The following ZNF76 variants were observed in gnomAD, a reference collection of about 807,000 sequenced individuals.
ZNF76 encodes zinc finger protein 523.
Under a neutral mutation model 66.9 loss-of-function variants are expected in ZNF76, and 66 were observed. The ratio of observed to expected loss-of-function variants is 0.99; its 90% CI spans 0.81 to 1.21. The LOEUF (loss-of-function observed/expected upper bound fraction) is 1.21. Ranked by LOEUF, ZNF76 falls within the 50% of genes most tolerant of loss-of-function variation. The probability of loss-of-function intolerance (pLI) is 0.00; values close to 1 mark genes in which losing one functional copy is unlikely to be tolerated. For missense variants in ZNF76, 729 were observed against 760.3 expected, an observed-to-expected ratio of 0.96 and a Z score of 0.48; for synonymous variants, 275 against 296.1, an observed-to-expected ratio of 0.93 and a Z score of 0.73.
rs1189334374 is a variant in ZNF76, at chr6:35,292,143, T to C, written c.931+406T>C. ...TGTATCCTCACCCTCCCCAGTGTTA[T>C]GCCCCTCATCCAGCTTTCTGTGTTG... On this transcript the variant is annotated intron_variant, in intron 9 of 13. Coordinates refer to ENST00000373953, the MANE Select transcript of ZNF76 (RefSeq NM_003427.5). The surrounding 1 kb of genome is among the most constrained non-coding windows in gnomAD (Gnocchi z 4.7). The C allele has an allele frequency of 1.2e-5, 5 of 405,006 alleles. No individual in the cohort carries two copies. The highest frequency in any genetic ancestry group is 7.4e-4 in the Middle Eastern group (1 of 1,352). 25.1% of individuals were successfully genotyped at this position (405,006 alleles called of 1,614,324 possible). A position where few individuals can be genotyped will look rare whatever the true frequency, so the allele number is the denominator to read the frequency against.
At chr6:35,284,173 C>A (rs966029925) in intron 2 of ZNF76, among the ~76,000 whole-genome samples, 9 of 151,920 alleles carry the variant, frequency 5.9e-5, no homozygotes, top group Non-Finnish European at 8.8e-5. Flanking sequence ...CTCACTGCAA[C>A]CTTCGCCTCC....
Position 35,292,853 on chromosome 6 carries a change from G to A in ZNF76, c.1166-28G>A, listed in dbSNP as rs893975298. 2.5e-6 allele frequency: 4 copies of A among 1,613,840 alleles called. No homozygotes were observed. The highest frequency in any genetic ancestry group is 3.4e-6 in the Non-Finnish European group (4 of 1,179,884). On this transcript the variant is annotated intron_variant, in intron 10 of 13. Transcript: ENST00000373953. This position sits in a 1 kb window ranked among gnomAD's most constrained non-coding sequence, Gnocchi z 4.7. The stretch of plus-strand genomic sequence containing the variant: ...GGCCTCCCCATGGCATCTGGTAGCA[G>A]ATGTCAGCCTTGGCTCTCCTCTCCC...
rs1057409005 is a variant in ZNF76, at chr6:35,295,818, C to G, written c.*570C>G. Reference sequence around the variant, plus strand: ...GCCCCCACCACTCCTCAGCTGCCCCCCAACCTCTCTATGGCAGAGAGGCAG... The same window carrying G: ...GCCCCCACCACTCCTCAGCTGCCCCGCAACCTCTCTATGGCAGAGAGGCAG... On this transcript the variant is annotated 3_prime_UTR_variant, in exon 14 of 14. Coordinates refer to ENST00000373953, the MANE Select transcript of ZNF76 (RefSeq NM_003427.5). 2 of 179,310 alleles carry G rather than the reference C, an allele frequency of 1.1e-5. No individual in the cohort carries two copies. The highest frequency in any genetic ancestry group is 2.3e-5 in the African/African-American group (1 of 42,722). 11.1% of individuals were successfully genotyped at this position (179,310 alleles called of 1,614,324 possible).
In ZNF76 at chr6:35,293,751, G is replaced by A; in HGVS notation, c.1330G>A (p.Val444Ile). ...ALITQDGAQQ[V>I]SLSPEDLQAL... ...GCTCATCTTCCCCTCCTGTTGGCAG[G>A]TCAGCCTGTCCCCGGAAGACCTGCA... The change falls in exon 12 of 14, where the codon GTC becomes ATC. Residue 444 changes from valine to isoleucine, a missense_variant and splice_region_variant. Physicochemically the swap from Val to Ile is conservative, Grantham distance 29. Coordinates refer to ENST00000373953, the MANE Select transcript of ZNF76 (RefSeq NM_003427.5). 6.2e-7 allele frequency: 1 copy of A among 1,613,722 alleles called. No homozygotes were observed.
At chr6:35,294,264 AT>A (rs1418674829) in intron 12 of ZNF76, 191 bp from the exon 13 acceptor site, 126 of 593,116 alleles carry the variant, frequency 2.1e-4, no homozygotes, top group Middle Eastern at 9.0e-4. Flanking sequence ...CCTAAATTAA[AT>A]TGGGCTCTAA....
At chr6:35,269,332 T>G (rs1399450929) in intron 1 of ZNF76, among the ~76,000 whole-genome samples, 1 of 151,396 alleles carries the variant, frequency 6.6e-6, no homozygotes, top group Non-Finnish European at 1.5e-5. Flanking sequence ...GCTCCTCTCT[T>G]CCAGTTCAGA....
chr6:35,264,237 G>T (rs556678476), intron 1 of ZNF76, among the ~76,000 whole-genome samples: 1 of 152,352 alleles, frequency 6.6e-6, no homozygotes, highest in South Asian at 2.1e-4. Flanking sequence ...ATGATAATGG[G>T]CATGTCCCTT....
At chr6:35,262,925 C>G (rs1006853414) in intron 1 of ZNF76, among the ~76,000 whole-genome samples, 1 of 152,250 alleles carries the variant, frequency 6.6e-6, no homozygotes, top group East Asian at 1.9e-4. Flanking sequence ...TTCCACAGGG[C>G]CTCCTCTTCC....
chr6:35,286,947 G>T (rs981704544), intron 4 of ZNF76, among the ~76,000 whole-genome samples: 2 of 152,142 alleles, frequency 1.3e-5, no homozygotes, highest in African/African-American at 4.8e-5. Context: ...CAGAGATCAG[G>T]CTCAGGGAGG....
At chr6:35,286,743 C>T (rs1789624009) in intron 4 of ZNF76, 2 of 371,780 alleles carry the variant, frequency 5.4e-6, no homozygotes, top group South Asian at 3.1e-5. Context: ...TAGAATGAAG[C>T]TCCTAAGGTG....
At position 35,292,507 on chromosome 6, in the gene ZNF76, C is replaced by A; in HGVS notation, c.932-47C>A. The A allele has an allele frequency of 1.2e-6, 2 of 1,607,866 alleles. No individual in the cohort carries two copies. The highest frequency in any genetic ancestry group is 1.7e-6 in the Non-Finnish European group (2 of 1,176,096). Reference sequence around the variant, plus strand: ...CTCACCCCTGTCCCCTTAGTTTCCCCCTTGCCAGCCCCAGTTCCCACCCCC... The same window carrying A: ...CTCACCCCTGTCCCCTTAGTTTCCCACTTGCCAGCCCCAGTTCCCACCCCC... On this transcript the variant is annotated intron_variant, in intron 9 of 13. Coordinates refer to ENST00000373953, the MANE Select transcript of ZNF76 (RefSeq NM_003427.5). The surrounding 1 kb of genome is among the most constrained non-coding windows in gnomAD (Gnocchi z 4.7).
At position 35,261,918 on chromosome 6, in the gene ZNF76, T is replaced by C. The variant is rs534497576; in HGVS notation, c.-97+2077T>C. On this transcript the variant is annotated intron_variant, in intron 1 of 13. Coordinates refer to ENST00000373953, the MANE Select transcript of ZNF76 (RefSeq NM_003427.5). Reference sequence around the variant, plus strand: ...CATATCCCCTGAAGCCCCTGCACCTTGTAGGGGAGGGAAAATATCTTCTTA... The same window carrying C: ...CATATCCCCTGAAGCCCCTGCACCTCGTAGGGGAGGGAAAATATCTTCTTA... 7.9e-5 allele frequency among the ~76,000 whole-genome samples: 12 copies of C among 152,258 alleles called. No homozygotes were observed. The East Asian group carries it at 2.3e-3, about 29-fold the overall frequency.
Position 35,290,240 on chromosome 6 carries a change from TAGGGATCTCA to T in ZNF76, c.433-23_433-14del, listed in dbSNP as rs1562125751. ...CCTTCTTCACTGGGGAGAATACATATAGGGATCTCAAGACTTTTCCCCCAGGTTCTTCATG... is the reference window on the plus strand; with the variant it reads ...CCTTCTTCACTGGGGAGAATACATATAGACTTTTCCCCCAGGTTCTTCATG... On this transcript the variant is annotated splice_polypyrimidine_tract_variant and intron_variant, in intron 5 of 13. Coordinates refer to ENST00000373953, the MANE Select transcript of ZNF76 (RefSeq NM_003427.5). 1.9e-6 allele frequency: 3 copies of T among 1,613,726 alleles called. No homozygotes were observed. Among genetic ancestry groups the T allele is most frequent in the Non-Finnish European group, 2.5e-6 (3 of 1,179,790 alleles).
At position 35,293,003 on chromosome 6, in the gene ZNF76, G is replaced by GC. The variant is rs769993325; in HGVS notation, c.1294dup (p.Gln432ProfsTer44). On this transcript the variant is annotated frameshift_variant, in exon 11 of 14. Transcript: ENST00000373953. LOFTEE classifies it high-confidence loss of function. ...GGCGATGGTGACTGAAGAAGATGGG[G>GC]CCCCCCAGGTGGCTCTGATCACTCA... 6 of 1,614,116 alleles carry GC rather than the reference G, an allele frequency of 3.7e-6. No individual in the cohort carries two copies. The highest frequency in any genetic ancestry group is 4.2e-6 in the Non-Finnish European group (5 of 1,180,022).
chr6:35,290,597 C>T, intron 6 of ZNF76, 44 bp from the exon 7 acceptor site: 3 of 1,606,656 alleles, frequency 1.9e-6, no homozygotes, highest in Non-Finnish European at 2.6e-6. Flanking sequence ...GAGCCCTGGT[C>T]ATACCCTTGC....
chr6:35,291,792 G>A, intron 9 of ZNF76, 55 bp downstream of exon 9: 1 of 1,583,908 alleles, frequency 6.3e-7, no homozygotes, highest in Non-Finnish European at 8.6e-7. Flanking sequence ...CCCCTCTACT[G>A]TAGGCTTCCC....
chr6:35,290,462 A>G, intron 6 of ZNF76, 80 bp downstream of exon 6: 6 of 1,587,560 alleles, frequency 3.8e-6, no homozygotes, highest in Non-Finnish European at 5.2e-6. Flanking sequence ...TTTGATTGGA[A>G]TTGGTCCCTG....
intron 9 of ZNF76, 178 bp downstream of exon 9, chr6:35,291,915 C>T: frequency 1.4e-6 from 1 of 695,830 alleles, no homozygotes; most frequent in South Asian, 1.8e-5. Flanking sequence ...AGTAATTCCT[C>T]AATTTCCAGT....
rs773733513 is a variant in ZNF76, at chr6:35,287,783, G to C, written c.370G>C (p.Ala124Pro). Residue 124 changes from alanine (A) to proline (P), a missense_variant, in exon 5 of 14, where the codon GCA (alanine) becomes CCA (proline). Transcript: ENST00000373953. This position sits in a 1 kb window ranked among gnomAD's most constrained non-coding sequence, Gnocchi z 4.0. Reference protein sequence around the residue: ...QTEVGLEDLAAEDDEGFSADA... With the variant: ...QTEVGLEDLAPEDDEGFSADA... Reference sequence around the variant, plus strand: ...AGAGGTGGGCTTGGAGGACCTGGCAGCAGAGGATGATGAGGGCTTCAGTGC... The same window carrying C: ...AGAGGTGGGCTTGGAGGACCTGGCACCAGAGGATGATGAGGGCTTCAGTGC... The C allele has an allele frequency of 6.2e-7, 1 of 1,613,600 alleles. No homozygotes were observed.
Sources: gnomAD v4.1 joint callset for allele counts (sites outside exome capture counted in the v4.1 genomes callset) on GRCh38, gnomAD v4.1.1 for gene constraint, Gnocchi (gnomAD v3.1) non-coding constraint, MANE v1.5 for transcripts, NCBI Gene and HGNC (gene_info 2026-07-23, HGNC 2026-07-21) for gene names.